Variants in KIAA1217 observed in about 807,000 individuals in gnomAD.
KIAA1217 encodes KIAA1217, also known as sickle tail protein homolog.
Under a neutral mutation model 163.9 loss-of-function variants are expected in KIAA1217, and 88 were observed. The ratio of observed to expected loss-of-function variants is 0.54; its 90% CI spans 0.45 to 0.64. The LOEUF is 0.64. KIAA1217 is among the 30% of genes least tolerant of loss of function. The pLI is 0.00. For missense variants in KIAA1217, 2,372 were observed against 2,475.0 expected (o/e 0.96, Z 0.88); for synonymous variants, 903 against 923.1 (o/e 0.98, Z 0.39).
intron 2 of KIAA1217, among the ~76,000 whole-genome samples, chr10:24,009,363 A>G (rs939507173): frequency 6.6e-6 from 1 of 152,046 alleles, no homozygotes; most frequent in Non-Finnish European, 1.5e-5. Context: ...TGATAAGCAG[A>G]GCAGAACATC....
intron 10 of KIAA1217, among the ~76,000 whole-genome samples, chr10:24,519,550 G>A (rs1341129574): frequency 6.6e-6 from 1 of 152,130 alleles, no homozygotes; most frequent in Non-Finnish European, 1.5e-5. Flanking sequence ...ATTCTGGTTT[G>A]TCACAAGCTG....
chr10:24,260,710 C>A (rs6482380), intron 2 of KIAA1217, among the ~76,000 whole-genome samples: 115,469 of 151,426 alleles, frequency 0.76, 44,223 homozygotes, highest in African/African-American at 0.82. Context: ...GAGCCACTGC[C>A]CTCCAGCCTG....
chr10:24,528,745 T>C (rs2072634893), intron 14 of KIAA1217, among the ~76,000 whole-genome samples: 1 of 152,096 alleles, frequency 6.6e-6, no homozygotes, highest in Non-Finnish European at 1.5e-5. Context: ...TATGCATTTG[T>C]GATACTTCAC....
intron 2 of KIAA1217, among the ~76,000 whole-genome samples, chr10:24,088,274 T>TATATATATATATAC (rs1285415158): frequency 0.01 from 1,072 of 107,184 alleles, 60 homozygotes; most frequent in African/African-American, 0.032. Flanking sequence ...TATATATATA[T>TATATATATATATAC]ACACACATAT....
chr10:24,449,878 T>C (rs893142288), intron 5 of KIAA1217: 1 of 367,532 alleles, frequency 2.7e-6, no homozygotes, highest in East Asian at 1.7e-4. Flanking sequence ...CAATAGGCGA[T>C]TGCAATTTTA....
intron 1 of KIAA1217, among the ~76,000 whole-genome samples, chr10:23,757,845 C>T (rs1833999657): frequency 6.6e-6 from 1 of 152,140 alleles, no homozygotes; most frequent in Non-Finnish European, 1.5e-5. Context: ...ACTTATTAGC[C>T]ATTTCTTATT....
chr10:24,441,507 G>A (rs576822928), intron 5 of KIAA1217, among the ~76,000 whole-genome samples: 16 of 152,282 alleles, frequency 1.1e-4, no homozygotes, highest in African/African-American at 3.9e-4. Context: ...CTCAGGAAGC[G>A]TGCTAGACTA....
chr10:23,899,502 AAG>A (rs1841862030), intron 1 of KIAA1217, among the ~76,000 whole-genome samples: 1 of 152,138 alleles, frequency 6.6e-6, no homozygotes, highest in Admixed American at 6.6e-5. Context: ...AGTCGAGGGA[AAG>A]AGAGAGAGAA....
intron 2 of KIAA1217, among the ~76,000 whole-genome samples, chr10:24,301,341 A>C (rs139983488): frequency 6.6e-6 from 1 of 152,354 alleles, no homozygotes; most frequent in African/African-American, 2.4e-5. Flanking sequence ...AATTATCCGA[A>C]GCATTTACTA....
At chr10:24,455,091 T>C (rs2061666299) in intron 5 of KIAA1217, among the ~76,000 whole-genome samples, 1 of 152,224 alleles carries the variant, frequency 6.6e-6, no homozygotes, top group African/African-American at 2.4e-5. Flanking sequence ...ATTTTAAGAC[T>C]GAAATATGTT....
rs183377305 is a variant in KIAA1217 at position 24,124,720 on chromosome 10, T to C, written c.-170-94906T>C. 3.9e-5 allele frequency among the ~76,000 whole-genome samples: 6 copies of C among 152,322 alleles called. No homozygotes were observed. In the East Asian group the frequency reaches 1.2e-3, roughly 29 times the overall value. ...TTTTCTCTTTTAATGCATTAACTGG[T>C]AAATTATACTAATAAATTTCCTAAA... On this transcript the variant is annotated intron_variant, in intron 2 of 18. Transcript: ENST00000376462.
At chr10:23,793,870 A>G (rs1006292833) in intron 1 of KIAA1217, among the ~76,000 whole-genome samples, 1 of 152,202 alleles carries the variant, frequency 6.6e-6, no homozygotes, top group Non-Finnish European at 1.5e-5. Context: ...AGCAAAGGAG[A>G]TAATTTCATT....
intron 9 of KIAA1217, among the ~76,000 whole-genome samples, chr10:24,507,767 A>T (rs2068559292): frequency 6.6e-6 from 1 of 152,234 alleles, no homozygotes; most frequent in Non-Finnish European, 1.5e-5. Context: ...GTGAACCCCT[A>T]GAATGGTAAG....
intron 1 of KIAA1217, among the ~76,000 whole-genome samples, chr10:23,882,327 A>G (rs935955276): frequency 1.3e-5 from 2 of 151,890 alleles, no homozygotes; most frequent in African/African-American, 4.8e-5. Context: ...ATCAATGTTA[A>G]TCAATAGTTG....
intron 2 of KIAA1217, among the ~76,000 whole-genome samples, chr10:24,290,470 C>A (rs552950648): frequency 6.6e-6 from 1 of 152,010 alleles, no homozygotes; most frequent in South Asian, 2.1e-4. Flanking sequence ...GCAAACATTA[C>A]CTGTCATTCA....
intron 2 of KIAA1217, among the ~76,000 whole-genome samples, chr10:24,227,143 G>GATTATTATT (rs56348020): frequency 0.02 from 3,016 of 148,844 alleles, 38 homozygotes; most frequent in Non-Finnish European, 0.027. Flanking sequence ...GATATAAAGG[G>GATTATTATT]ATTATTATTA....
intron 1 of KIAA1217, among the ~76,000 whole-genome samples, chr10:23,882,765 G>A (rs1334925122): frequency 6.6e-6 from 1 of 151,902 alleles, no homozygotes; most frequent in African/African-American, 2.4e-5. Flanking sequence ...TTTACCTAGG[G>A]TTCAAGTGTG....
At chr10:24,310,686 C>T (rs1372173881) in intron 2 of KIAA1217, among the ~76,000 whole-genome samples, 6 of 152,140 alleles carry the variant, frequency 3.9e-5, no homozygotes, top group Non-Finnish European at 8.8e-5. Context: ...AGTCCCTTTT[C>T]CAAGGCAGGG....
intron 14 of KIAA1217, 128 bp downstream of exon 14, chr10:24,528,247 A>G: frequency 1.4e-6 from 1 of 726,994 alleles, no homozygotes; most frequent in Non-Finnish European, 2.2e-6. Context: ...TACAAAATGT[A>G]AAACCTGGAA....
Sources: allele counts gnomAD v4.1 joint callset (sites outside exome capture counted in the v4.1 genomes callset), GRCh38; gene constraint gnomAD v4.1.1; transcripts MANE v1.5; gene names NCBI Gene and HGNC (gene_info 2026-07-23, HGNC 2026-07-21).